Variants in ARRDC5 observed in about 807,000 individuals in gnomAD.
ARRDC5 encodes the protein arrestin domain containing 5, also known as arrestin domain-containing protein 5.
ARRDC5 carries 12 observed loss-of-function variants against 13.3 expected under a neutral mutation model. That is an observed-to-expected ratio of 0.90 (90% CI 0.58 to 1.46). ARRDC5 has a LOEUF of 1.46. ARRDC5 is among the 40% of genes most tolerant of loss of function. ARRDC5 has a pLI of 0.00. For missense variants in ARRDC5, 406 were observed against 418.7 expected (o/e 0.97, Z 0.26); for synonymous variants, 181 against 173.4 (o/e 1.04, Z -0.34).
intron 2 of ARRDC5, among the ~76,000 whole-genome samples, chr19:4,891,954 C>CAA (rs33946883): frequency 0.43 from 59,244 of 138,666 alleles, 13,936 homozygotes; most frequent in African/African-American, 0.62. Context: ...AACTCCGTCT[C>CAA]AAAAAAAAAA....
In ARRDC5 at chr19:4,890,828, G is replaced by C. The variant is rs1232910550; in HGVS notation, c.*218C>G. On this transcript the variant is annotated 3_prime_UTR_variant, in exon 3 of 3. Coordinates refer to ENST00000650722, the MANE Select transcript of ARRDC5 (RefSeq NM_001080523.3). ...GGAAAAGGCAGGTTATGCCGGGTTT[G>C]GGTCCTGGGAGACCTTCCCGGTTTC... 1.9e-6 allele frequency: 1 copy of C among 531,504 alleles called. No homozygotes were observed. The highest frequency in any genetic ancestry group is 3.3e-6 in the Non-Finnish European group (1 of 300,834). The allele number at this position is 531,504 out of a possible 1,614,324, so 32.9% of individuals were successfully genotyped here.
the ARRDC5 span, chr19:4,910,877 G>C: frequency 6.2e-7 from 1 of 1,604,182 alleles, no homozygotes; most frequent in East Asian, 2.2e-5. Context: ...TCCCCTCAGC[G>C]CCGACACCAT....
chr19:4,914,714 T>C, the ARRDC5 span, among the ~76,000 whole-genome samples: 1 of 151,938 alleles, frequency 6.6e-6, no homozygotes, highest in African/African-American at 2.4e-5. Context: ...GCGGCACCTT[T>C]AACCTGCTCG....
intron 1 of ARRDC5, among the ~76,000 whole-genome samples, chr19:4,899,794 C>T (rs532627138): frequency 8.7e-5 from 11 of 126,872 alleles, no homozygotes; most frequent in Admixed American, 8.0e-4. Flanking sequence ...AAAAAATTAG[C>T]CAGGCGTGGT....
chr19:4,891,513 C>T lies in ARRDC5; in HGVS notation c.520G>A (p.Val174Ile). Reference sequence around the variant, plus strand: ...CTTTCCATCTGGATTTGCAAACAGACAGTGCCCTGGCGGCAGCAGTTGTAG... The same window carrying T: ...CTTTCCATCTGGATTTGCAAACAGATAGTGCCCTGGCGGCAGCAGTTGTAG... The part of the protein sequence containing the change: ...VSYNCCRQGT[V>I]CLQIQMERNT... Residue 174 changes from valine (V) to isoleucine (I), a missense_variant, in exon 3 of 3, where the codon GTC becomes ATC. By Grantham distance (29) the Val-to-Ile change is conservative (BLOSUM62 3). Coordinates refer to ENST00000650722, the MANE Select transcript of ARRDC5 (RefSeq NM_001080523.3). 1 of 1,613,908 alleles carries T rather than the reference C, an allele frequency of 6.2e-7. No homozygotes were observed. The highest frequency in any genetic ancestry group is 8.5e-7 in the Non-Finnish European group (1 of 1,179,866).
the ARRDC5 span, chr19:4,910,459 TC>T: frequency 6.5e-6 from 1 of 154,274 alleles, no homozygotes; most frequent in African/African-American, 2.4e-5. Context: ...CTTCTGAAGT[TC>T]CGGCCCGCGC....
At chr19:4,911,141 C>T in the ARRDC5 span, 3 of 1,152,984 alleles carry the variant, frequency 2.6e-6, no homozygotes, top group Non-Finnish European at 3.6e-6. Context: ...CCCCAACAAC[C>T]TCGTCCGGTC....
At chr19:4,893,764 C>CT (rs368857625) in intron 2 of ARRDC5, among the ~76,000 whole-genome samples, 11,588 of 145,262 alleles carry the variant, frequency 0.08, 598 homozygotes, top group Middle Eastern at 0.18. Flanking sequence ...AAAGGAAGGC[C>CT]GGGTGCGGTG....
intron 1 of ARRDC5, among the ~76,000 whole-genome samples, chr19:4,897,456 C>T (rs1319567586): frequency 1.3e-5 from 2 of 152,134 alleles, no homozygotes; most frequent in African/African-American, 4.8e-5. Context: ...AGGGCTCTTG[C>T]ATATCCCTGC....
chr19:4,914,606 C>T, the ARRDC5 span, among the ~76,000 whole-genome samples: 1 of 151,178 alleles, frequency 6.6e-6, no homozygotes. Flanking sequence ...TTTGGGCAGA[C>T]GGCCCAGCCT....
chr19:4,894,728 AGAAGAGGAAGAG>A (rs148997621), intron 2 of ARRDC5, among the ~76,000 whole-genome samples: 51 of 141,102 alleles, frequency 3.6e-4, no homozygotes, highest in African/African-American at 1.2e-3. Context: ...GAGAAGAAGA[AGAAGAGGAAGAG>A]GAAGAGGAAG....
chr19:4,916,270 C>A, the ARRDC5 span, among the ~76,000 whole-genome samples: 1 of 150,252 alleles, frequency 6.7e-6, no homozygotes, highest in Non-Finnish European at 1.5e-5. Context: ...TGTACCACTG[C>A]ATTCCAGCCT....
chr19:4,911,263 G>C, the ARRDC5 span, among the ~76,000 whole-genome samples: 2 of 152,132 alleles, frequency 1.3e-5, no homozygotes, highest in African/African-American at 2.4e-5. Flanking sequence ...GCTGGCCCTC[G>C]AATCTATAGG....
At chr19:4,903,120 G>A (rs553103045), upstream of ARRDC5, 4 of 370,796 alleles carry the variant, frequency 1.1e-5, no homozygotes, top group Admixed American at 1.2e-4. Context: ...TCCGCCTCAT[G>A]GGTTCAAGCA....
chr19:4,895,766 C>T (rs1419154345), intron 2 of ARRDC5, among the ~76,000 whole-genome samples: 1 of 152,200 alleles, frequency 6.6e-6, no homozygotes, highest in Non-Finnish European at 1.5e-5. Flanking sequence ...CCCTGTGGGG[C>T]CTTTTCTTGG....
intron 1 of ARRDC5, among the ~76,000 whole-genome samples, chr19:4,900,318 A>G (rs2031876690): frequency 6.6e-6 from 1 of 151,692 alleles, no homozygotes; most frequent in African/African-American, 2.4e-5. Flanking sequence ...GGGTTTCACC[A>G]TGTTGGCCAG....
chr19:4,903,136 C>T (rs1041326580), upstream of ARRDC5: 1 of 334,212 alleles, frequency 3.0e-6, no homozygotes, highest in Non-Finnish European at 5.8e-6. Context: ...AAGCAATTCT[C>T]CTGCCTCAGC....
At chr19:4,916,696 A>G in the ARRDC5 span, among the ~76,000 whole-genome samples, 1 of 152,078 alleles carries the variant, frequency 6.6e-6, no homozygotes, top group Non-Finnish European at 1.5e-5. Context: ...ATCCTCCTGC[A>G]TCCGTTTTTC....
intron 1 of ARRDC5, among the ~76,000 whole-genome samples, chr19:4,901,277 CCACT>C (rs1479381134): frequency 1.3e-5 from 2 of 152,120 alleles, no homozygotes; most frequent in Non-Finnish European, 1.5e-5. Flanking sequence ...TTTGATCACA[CCACT>C]GGCCTCTAGC....
Sources: allele counts gnomAD v4.1 joint callset (sites outside exome capture counted in the v4.1 genomes callset), GRCh38; gene constraint gnomAD v4.1.1; transcripts MANE v1.5; gene names NCBI Gene and HGNC (gene_info 2026-07-23, HGNC 2026-07-21).